The following CNTN6 variants were observed in gnomAD, a reference collection of about 807,000 sequenced individuals.
CNTN6 encodes the protein contactin 6.
CNTN6 carries 137 observed loss-of-function variants against 122.8 expected under a neutral mutation model. The ratio of observed to expected loss-of-function variants is 1.12; its 90% CI spans 0.97 to 1.29. The LOEUF (loss-of-function observed/expected upper bound fraction) is 1.29, where lower values mean the gene tolerates loss of function less well. CNTN6 is among the 50% of genes most tolerant of loss of function. The pLI is 0.00. For missense variants in CNTN6, 1,634 were observed against 1,223.4 expected (o/e 1.34, Z -5.01); for synonymous variants, 570 against 426.0 (o/e 1.34, Z -4.16).
At chr3:1,262,105 A>G (rs995638591) in intron 4 of CNTN6, among the ~76,000 whole-genome samples, 2 of 152,142 alleles carry the variant, frequency 1.3e-5, no homozygotes, top group Admixed American at 1.3e-4. Flanking sequence ...CCTGTCTTAT[A>G]AATAAGCAGT....
chr3:1,385,705 C>T lies in CNTN6; in HGVS notation c.2612C>T (p.Ala871Val), dbSNP rs780033708. ...VTTKNITGLKANTIYFASVRA... is the reference protein window; with the variant it reads ...VTTKNITGLKVNTIYFASVRA... ...ACCAAAAACATCACGGGGCTGAAAG[C>T]TAATACCATCTACTTTGCTTCCGTA... The change falls in exon 20 of 23, where the codon GCT (alanine) becomes GTT (valine). Residue 871 changes from alanine to valine, a missense_variant. Physicochemically the swap from Ala to Val is moderately conservative, Grantham distance 64. Transcript: ENST00000446702. The T allele has an allele frequency of 7.4e-6, 12 of 1,614,108 alleles. No homozygotes were observed. In the South Asian group the frequency reaches 1.3e-4, roughly 18 times the overall value.
chr3:1,395,839 TAAGTC>T (rs1197834510), intron 20 of CNTN6, among the ~76,000 whole-genome samples: 1 of 152,138 alleles, frequency 6.6e-6, no homozygotes, highest in Non-Finnish European at 1.5e-5. Flanking sequence ...ATTATTACAA[TAAGTC>T]AAGGAGTTTG....
intron 1 of CNTN6, among the ~76,000 whole-genome samples, chr3:1,131,631 C>T (rs1215739251): frequency 6.6e-6 from 1 of 152,206 alleles, no homozygotes; most frequent in East Asian, 1.9e-4. Flanking sequence ...CAGTTAGCAC[C>T]TGGGAACCTC....
intron 1 of CNTN6, among the ~76,000 whole-genome samples, chr3:1,096,142 A>G (rs1039723966): frequency 1.3e-5 from 2 of 152,140 alleles, no homozygotes; most frequent in Non-Finnish European, 2.9e-5. Flanking sequence ...ACATTTTTGG[A>G]GACCCTTCCT....
At chr3:1,385,224 A>C (rs1692687950) in intron 19 of CNTN6, among the ~76,000 whole-genome samples, 1 of 152,112 alleles carries the variant, frequency 6.6e-6, no homozygotes, top group Non-Finnish European at 1.5e-5. Context: ...GATTCAAATA[A>C]CTCTGAAAAG....
At chr3:1,381,516 G>T (rs1377238352) in intron 17 of CNTN6, among the ~76,000 whole-genome samples, 1 of 152,122 alleles carries the variant, frequency 6.6e-6, no homozygotes, top group Non-Finnish European at 1.5e-5. Context: ...AGGAAGGTCA[G>T]ATGAAGAACC....
chr3:1,258,778 T>C (rs1357920855), intron 4 of CNTN6, among the ~76,000 whole-genome samples: 2 of 152,102 alleles, frequency 1.3e-5, no homozygotes, highest in Admixed American at 6.6e-5. Flanking sequence ...GACAGCTACC[T>C]TTTTCTTAGA....
intron 5 of CNTN6, among the ~76,000 whole-genome samples, chr3:1,289,926 G>A (rs950899585): frequency 3.9e-5 from 6 of 152,046 alleles, no homozygotes; most frequent in Admixed American, 2.6e-4. Context: ...CGCCCGCCTC[G>A]GCCTCCCAAA....
chr3:1,379,127 T>A lies in CNTN6; in HGVS notation c.2166+2052T>A, dbSNP rs1409559588. Among the ~76,000 whole-genome samples, 3 of 152,170 alleles carry A rather than the reference T, an allele frequency of 2.0e-5. No individual in the cohort carries two copies. In the East Asian group the frequency reaches 5.8e-4, roughly 29 times the overall value. On this transcript the variant is annotated intron_variant, in intron 17 of 22. Coordinates refer to ENST00000446702, the MANE Select transcript of CNTN6 (RefSeq NM_001289080.2). Reference sequence around the variant, plus strand: ...TTGTTGCAATTGCTTGTACACAGTCTATAATGAGGGCCCAAATGCTATGCA... The same window carrying A: ...TTGTTGCAATTGCTTGTACACAGTCAATAATGAGGGCCCAAATGCTATGCA...
rs148517619 is a variant in CNTN6 at position 1,224,871 on chromosome 3, G to A, written c.183-2947G>A. ...AGCAATTCTCCTGCCTCAGCCTCCC[G>A]AGTAGCTGGGATTACAGGCGTGTGC... On this transcript the variant is annotated intron_variant, in intron 3 of 22. Coordinates refer to ENST00000446702, the MANE Select transcript of CNTN6 (RefSeq NM_001289080.2). Among the ~76,000 whole-genome samples, 408 of 152,134 alleles carry A rather than the reference G, an allele frequency of 2.7e-3. 1 individual carries two copies. Among genetic ancestry groups the A allele is most frequent in the Middle Eastern group, 0.01 (3 of 294 alleles).
chr3:1,147,632 C>T (rs1375068667), intron 1 of CNTN6, among the ~76,000 whole-genome samples: 2 of 152,038 alleles, frequency 1.3e-5, no homozygotes, highest in Non-Finnish European at 2.9e-5. Context: ...AAAGATAACA[C>T]TGCTAGAAAT....
At chr3:1,176,953 C>G (rs1251039648) in intron 2 of CNTN6, among the ~76,000 whole-genome samples, 1 of 152,132 alleles carries the variant, frequency 6.6e-6, no homozygotes. Context: ...ACCAAGTGAT[C>G]AAATTTTGCA....
At chr3:1,401,119 G>C (rs11929161) in intron 20 of CNTN6, among the ~76,000 whole-genome samples, 34,422 of 108,966 alleles carry the variant, frequency 0.32, 4,132 homozygotes, top group African/African-American at 0.34. Context: ...TGGAATCCTA[G>C]ATAAAGAGAC....
intron 5 of CNTN6, among the ~76,000 whole-genome samples, chr3:1,288,988 T>C (rs1322193433): frequency 6.6e-6 from 1 of 152,212 alleles, no homozygotes; most frequent in Non-Finnish European, 1.5e-5. Context: ...GGACCAATTA[T>C]CATTCAGCTC....
At chr3:1,101,533 ACT>A (rs1350315761) in intron 1 of CNTN6, among the ~76,000 whole-genome samples, 2 of 151,876 alleles carry the variant, frequency 1.3e-5, no homozygotes, top group Non-Finnish European at 2.9e-5. Flanking sequence ...AAGTCATCAA[ACT>A]CTCACTTGCT....
intron 4 of CNTN6, among the ~76,000 whole-genome samples, chr3:1,264,468 G>A (rs1420388467): frequency 6.6e-6 from 1 of 152,126 alleles, no homozygotes; most frequent in African/African-American, 2.4e-5. Flanking sequence ...CATAGAGAGA[G>A]GTTGAGTGGT....
chr3:1,256,350 T>C (rs1181493451), intron 4 of CNTN6, among the ~76,000 whole-genome samples: 1 of 152,058 alleles, frequency 6.6e-6, no homozygotes, highest in Non-Finnish European at 1.5e-5. Context: ...ATTGAGAAAT[T>C]TTGGATGTTA....
At chr3:1,202,473 G>A (rs992044645) in intron 2 of CNTN6, among the ~76,000 whole-genome samples, 3 of 151,988 alleles carry the variant, frequency 2.0e-5, no homozygotes, top group African/African-American at 7.3e-5. Context: ...CCCGGGGGGC[G>A]GAGCTTGCAG....
At chr3:1,261,816 C>G (rs781196256) in intron 4 of CNTN6, among the ~76,000 whole-genome samples, 2 of 152,074 alleles carry the variant, frequency 1.3e-5, no homozygotes, top group Non-Finnish European at 2.9e-5. Context: ...TACATTTTAT[C>G]ACATAATTTT....
Sources: allele counts gnomAD v4.1 joint callset (sites outside exome capture counted in the v4.1 genomes callset), GRCh38; gene constraint gnomAD v4.1.1; transcripts MANE v1.5; gene names NCBI Gene and HGNC (gene_info 2026-07-23, HGNC 2026-07-21).